Variants in XKR9 observed in about 807,000 individuals in gnomAD.
XKR9 encodes the protein XK-related protein 9.
XKR9 carries 32 observed loss-of-function variants against 32.0 expected under a neutral mutation model. The observed-to-expected ratio is 1.00, with a 90% CI of 0.76 to 1.34. The LOEUF is 1.34. XKR9 is among the 40% of genes most tolerant of loss of function. The pLI is 0.00. For missense variants in XKR9, 546 were observed against 429.7 expected (o/e 1.27, Z -2.39); for synonymous variants, 168 against 143.4 (o/e 1.17, Z -1.22).
the XKR9 span, among the ~76,000 whole-genome samples, chr8:70,945,373 A>G: frequency 6.6e-6 from 1 of 152,210 alleles, no homozygotes; most frequent in Admixed American, 6.5e-5. Flanking sequence ...TCATAGAATT[A>G]CATTAAATGA....
At chr8:70,687,295 A>ATTTC (rs1819316132) in intron 3 of XKR9, among the ~76,000 whole-genome samples, 1 of 139,918 alleles carries the variant, frequency 7.1e-6, no homozygotes, top group Non-Finnish European at 1.6e-5. Context: ...AAATGACAGG[A>ATTTC]TTTCTTTCTC....
At chr8:70,876,459 G>C in the XKR9 span, among the ~76,000 whole-genome samples, 1 of 152,152 alleles carries the variant, frequency 6.6e-6, no homozygotes, top group Non-Finnish European at 1.5e-5. Flanking sequence ...GAGTAGGCAA[G>C]CACACTTTTT....
chr8:70,965,501 T>C, the XKR9 span, among the ~76,000 whole-genome samples: 1 of 152,204 alleles, frequency 6.6e-6, no homozygotes, highest in Non-Finnish European at 1.5e-5. Context: ...TTTCAATTGT[T>C]TGGAATTGTT....
the XKR9 span, among the ~76,000 whole-genome samples, chr8:70,936,616 T>C: frequency 2.6e-5 from 4 of 152,042 alleles, no homozygotes; most frequent in Non-Finnish European, 5.9e-5. Flanking sequence ...CAAATTTTCA[T>C]TGTTTCTAAA....
the XKR9 span, among the ~76,000 whole-genome samples, chr8:70,990,442 C>A: frequency 3.3e-5 from 5 of 152,048 alleles, no homozygotes; most frequent in African/African-American, 1.2e-4. Flanking sequence ...TTAATACAAT[C>A]CTACAAAAAG....
At chr8:70,700,213 C>T (rs1484242800) in intron 3 of XKR9, among the ~76,000 whole-genome samples, 2 of 152,254 alleles carry the variant, frequency 1.3e-5, no homozygotes. Flanking sequence ...AGCTTTGTTC[C>T]ATTGCTGGTG....
At chr8:70,875,613 C>A in the XKR9 span, among the ~76,000 whole-genome samples, 1 of 152,056 alleles carries the variant, frequency 6.6e-6, no homozygotes, top group Non-Finnish European at 1.5e-5. Context: ...CCAAGGGAGG[C>A]ATAAGGGAAT....
chr8:70,794,147 T>G (rs1361363048), downstream of XKR9, among the ~76,000 whole-genome samples: 1 of 152,142 alleles, frequency 6.6e-6, no homozygotes, highest in Non-Finnish European at 1.5e-5. Context: ...TAAATTCACT[T>G]TTAGGTTGTT....
chr8:70,822,112 G>A, the XKR9 span, among the ~76,000 whole-genome samples: 5 of 152,092 alleles, frequency 3.3e-5, no homozygotes, highest in South Asian at 2.1e-4. Context: ...TATTAAAAGA[G>A]GCTATAGATG....
At chr8:70,928,045 C>CGT in the XKR9 span, among the ~76,000 whole-genome samples, 1 of 152,056 alleles carries the variant, frequency 6.6e-6, no homozygotes, top group Non-Finnish European at 1.5e-5. Context: ...AATCTAATTT[C>CGT]GTGTGTGTGT....
chr8:70,792,799 A>G (rs1171607685), downstream of XKR9, among the ~76,000 whole-genome samples: 1 of 152,102 alleles, frequency 6.6e-6, no homozygotes, highest in Non-Finnish European at 1.5e-5. Context: ...GTCTCCTTAT[A>G]AAAGACACCC....
At chr8:70,896,550 G>GT in the XKR9 span, among the ~76,000 whole-genome samples, 248 of 140,900 alleles carry the variant, frequency 1.8e-3, no homozygotes, top group Middle Eastern at 7.6e-3. Context: ...CGTATGTTCT[G>GT]TTTTTTTTTT....
the XKR9 span, among the ~76,000 whole-genome samples, chr8:71,062,991 C>T: frequency 6.6e-6 from 1 of 152,078 alleles, no homozygotes; most frequent in African/African-American, 2.4e-5. Context: ...TGAGAGCTTG[C>T]AGATGTATTC....
the XKR9 span, among the ~76,000 whole-genome samples, chr8:70,897,289 T>G: frequency 6.6e-6 from 1 of 152,244 alleles, no homozygotes; most frequent in Non-Finnish European, 1.5e-5. Context: ...TATCTGTTGA[T>G]GGACACTTAG....
chr8:70,956,853 G>C, the XKR9 span, among the ~76,000 whole-genome samples: 1 of 152,188 alleles, frequency 6.6e-6, no homozygotes, highest in African/African-American at 2.4e-5. Context: ...AGCCTGCAGG[G>C]TCAGGGGGCT....
At chr8:70,792,200 T>C (rs1807772648), downstream of XKR9, among the ~76,000 whole-genome samples, 1 of 152,144 alleles carries the variant, frequency 6.6e-6, no homozygotes, top group Non-Finnish European at 1.5e-5. Flanking sequence ...TTAACACTAA[T>C]AGACTCTTTT....
At chr8:70,892,640 C>T in the XKR9 span, among the ~76,000 whole-genome samples, 2 of 152,086 alleles carry the variant, frequency 1.3e-5, no homozygotes, top group Non-Finnish European at 2.9e-5. Context: ...AGTTTTCTTT[C>T]AGCAATTTGA....
chr8:70,866,613 T>C, the XKR9 span, among the ~76,000 whole-genome samples: 5 of 152,168 alleles, frequency 3.3e-5, no homozygotes, highest in African/African-American at 1.2e-4. Flanking sequence ...TTTTTTTTTT[T>C]TAATTTTAGA....
the XKR9 span, among the ~76,000 whole-genome samples, chr8:70,868,862 C>A: frequency 6.6e-6 from 1 of 152,170 alleles, no homozygotes; most frequent in African/African-American, 2.4e-5. Context: ...TTTAATAGCA[C>A]CCAAGTCACC....
Sources: gnomAD v4.1 joint callset for allele counts (sites outside exome capture counted in the v4.1 genomes callset) on GRCh38, gnomAD v4.1.1 for gene constraint, MANE v1.5 for transcripts, NCBI Gene and HGNC (gene_info 2026-07-23, HGNC 2026-07-21) for gene names.